Variants in NPRL3 observed in about 807,000 individuals in gnomAD.
The protein encoded by NPRL3 is NPR3 like, GATOR1 complex subunit.
NPRL3 carries 23 observed loss-of-function variants against 57.2 expected under a neutral mutation model. The observed-to-expected ratio is 0.40, with a 90% CI of 0.29 to 0.57. The LOEUF is 0.57. NPRL3 is among the 20% of genes least tolerant of loss of function. The pLI is 0.42. For missense variants in NPRL3, 691 were observed against 767.1 expected (o/e 0.90, Z 1.17); for synonymous variants, 333 against 321.1 (o/e 1.04, Z -0.39).
At chr16:120,887 T>C (rs960971361) in intron 3 of NPRL3, among the ~76,000 whole-genome samples, 9 of 152,138 alleles carry the variant, frequency 5.9e-5, no homozygotes, top group Admixed American at 2.0e-4. Flanking sequence ...GAAGGAGGGT[T>C]TGAGGTATTA....
chr16:100,261 G>T, intron 8 of NPRL3, 111 bp downstream of exon 8: 1 of 1,188,584 alleles, frequency 8.4e-7, no homozygotes, highest in Non-Finnish European at 1.1e-6. Flanking sequence ...AGCTTCCGCA[G>T]TGGGAAGAAG....
intron 2 of NPRL3, among the ~76,000 whole-genome samples, chr16:135,152 T>A (rs1901011585): frequency 1.3e-5 from 2 of 152,222 alleles, no homozygotes; most frequent in Non-Finnish European, 2.9e-5. Flanking sequence ...TAAAATTATG[T>A]TGGGACCAGA....
At chr16:94,064 A>G (rs916832989) in intron 9 of NPRL3, among the ~76,000 whole-genome samples, 17 of 86,582 alleles carry the variant, frequency 2.0e-4, no homozygotes, top group Admixed American at 6.8e-4. Context: ...TATACCCCCT[A>G]AAACTCCAGC....
At position 86,770 on chromosome 16, in the gene NPRL3, T is replaced by G. The variant is rs537555038; in HGVS notation, c.1645A>C (p.Ser549Arg). The G allele has an allele frequency of 6.2e-7, 1 of 1,600,072 alleles. No homozygotes were observed. The highest frequency in any genetic ancestry group is 1.1e-5 in the South Asian group (1 of 88,572). The change falls in exon 14 of 14, where the codon AGC (serine) becomes CGC (arginine). Residue 549 changes from serine (S) to arginine (R), a missense_variant. Ser to Arg is a moderately radical substitution (Grantham distance 110). Transcript: ENST00000611875. ...QLLMLFDKFR[S>R]VLVVTTHEDP... ...TCGTGGGTGGTCACCACCAGCACGC[T>G]GCGGAACTTGTCAAACAGCATGAGC...
At chr16:94,655 G>C (rs1898907974) in intron 9 of NPRL3, among the ~76,000 whole-genome samples, 2 of 152,218 alleles carry the variant, frequency 1.3e-5, no homozygotes, top group African/African-American at 4.8e-5. Context: ...TGGAGGCTGA[G>C]ACAGGAGGAT....
intron 12 of NPRL3, chr16:89,201 A>G (rs1269286774): frequency 5.2e-6 from 2 of 384,006 alleles, no homozygotes; most frequent in African/African-American, 4.0e-5. Flanking sequence ...ATGGAGGACA[A>G]AGCACCCTGG....
At chr16:94,789 G>A (rs555347570) in intron 9 of NPRL3, among the ~76,000 whole-genome samples, 3 of 151,958 alleles carry the variant, frequency 2.0e-5, no homozygotes, top group Non-Finnish European at 2.9e-5. Context: ...CTCACCCCAC[G>A]TGCCACTCGC....
intron 13 of NPRL3, among the ~76,000 whole-genome samples, chr16:87,319 G>A (rs527628200): frequency 5.3e-5 from 8 of 151,600 alleles, no homozygotes; most frequent in South Asian, 2.1e-4. Flanking sequence ...GCAACCTCCC[G>A]CCTCCCAGAT....
At chr16:120,076 T>G (rs1900219234) in intron 3 of NPRL3, among the ~76,000 whole-genome samples, 1 of 152,166 alleles carries the variant, frequency 6.6e-6, no homozygotes, top group South Asian at 2.1e-4. Context: ...AGGGGTGCTG[T>G]GGGTGGTGCT....
chr16:115,490 C>CTTTT (rs11441743), intron 5 of NPRL3, among the ~76,000 whole-genome samples: 1 of 145,012 alleles, frequency 6.9e-6, no homozygotes, highest in African/African-American at 2.5e-5. Flanking sequence ...TTTCCTGTTG[C>CTTTT]TTTTTTTTTT....
intron 9 of NPRL3, among the ~76,000 whole-genome samples, chr16:97,014 G>A (rs1454391452): frequency 6.6e-6 from 1 of 152,226 alleles, no homozygotes; most frequent in Non-Finnish European, 1.5e-5. Context: ...TCAGCCAGAG[G>A]GACCCAGGCG....
intron 4 of NPRL3, 112 bp from the exon 5 acceptor site, chr16:117,487 T>C: frequency 1.4e-6 from 1 of 702,044 alleles, no homozygotes; most frequent in Admixed American, 2.8e-5. Context: ...ACCAAGGTCT[T>C]GGAAAAGCAA....
chr16:96,946 A>G (rs1899035258), intron 9 of NPRL3, among the ~76,000 whole-genome samples: 1 of 95,890 alleles, frequency 1.0e-5, no homozygotes, highest in Admixed American at 1.2e-4. Context: ...CTTGTTGGAC[A>G]AGTTCCCCTA....
intron 3 of NPRL3, among the ~76,000 whole-genome samples, chr16:122,262 A>G (rs1232325784): frequency 6.6e-6 from 1 of 150,940 alleles, no homozygotes; most frequent in African/African-American, 2.4e-5. Flanking sequence ...AAGCCCGGCT[A>G]ATTTTTCATA....
chr16:87,179 T>A (rs1002069567), intron 13 of NPRL3, among the ~76,000 whole-genome samples: 1 of 152,130 alleles, frequency 6.6e-6, no homozygotes, highest in Non-Finnish European at 1.5e-5. Context: ...GTGGCTTCTT[T>A]TTCGTGCTAC....
At chr16:97,959 T>A (rs1899092525) in intron 9 of NPRL3, among the ~76,000 whole-genome samples, 186 bp downstream of exon 9, 1 of 152,170 alleles carries the variant, frequency 6.6e-6, no homozygotes, top group African/African-American at 2.4e-5. Flanking sequence ...AAGCCAGCCC[T>A]GAACCCAGGT....
At chr16:117,833 C>T (rs966037015) in intron 4 of NPRL3, among the ~76,000 whole-genome samples, 2 of 152,242 alleles carry the variant, frequency 1.3e-5, no homozygotes, top group East Asian at 1.9e-4. Flanking sequence ...TCTGTGCTCC[C>T]GGTTCTGGCA....
chr16:117,501 A>C, intron 4 of NPRL3, 126 bp from the exon 5 acceptor site: 1 of 650,180 alleles, frequency 1.5e-6, no homozygotes, highest in Non-Finnish European at 2.7e-6. Context: ...AAAGCAATGA[A>C]TGCCTTTGCT....
intron 9 of NPRL3, among the ~76,000 whole-genome samples, chr16:95,346 T>TACACACACAC (rs1394224081): frequency 2.0e-3 from 92 of 46,404 alleles, no homozygotes; most frequent in African/African-American, 4.4e-3. Flanking sequence ...TATATATATA[T>TACACACACAC]ATATACACAC....
Sources: gnomAD v4.1 joint callset for allele counts (sites outside exome capture counted in the v4.1 genomes callset) on GRCh38, gnomAD v4.1.1 for gene constraint, MANE v1.5 for transcripts, NCBI Gene and HGNC (gene_info 2026-07-23, HGNC 2026-07-21) for gene names.